ULK4: variants seen among roughly 807,000 people sequenced by gnomAD.
The protein encoded by ULK4 is unc-51 like kinase 4.
A neutral mutation model predicts 160.6 loss-of-function variants in ULK4; 133 were observed. That is an observed-to-expected ratio of 0.83 (90% CI 0.72 to 0.96). The LOEUF is 0.96. Ranked by LOEUF, ULK4 falls within the 40% of genes least tolerant of loss-of-function variation. The probability of loss-of-function intolerance (pLI) is 0.00; values close to 1 mark genes in which losing one functional copy is unlikely to be tolerated. For missense variants in ULK4, 1,580 were observed against 1,499.5 expected (o/e 1.05, Z -0.89); for synonymous variants, 534 against 539.8 (o/e 0.99, Z 0.15).
In ULK4 at chr3:41,566,016, G is replaced by A. The variant is rs201158659; in HGVS notation, c.3226+9C>T. The A allele has an allele frequency of 2.7e-5, 44 of 1,605,414 alleles. No individual in the cohort carries two copies. The highest frequency in any genetic ancestry group is 3.6e-5 in the Non-Finnish European group (42 of 1,172,900). ...ACTTGATCAGAGAGTAATTCTATGAGGCATTTACCTTGTTCATAAAGTAGT... is the reference window on the plus strand; with the variant it reads ...ACTTGATCAGAGAGTAATTCTATGAAGCATTTACCTTGTTCATAAAGTAGT... On this transcript the variant is annotated intron_variant, in intron 32 of 36. Transcript: ENST00000301831.
At chr3:41,829,010 A>G (rs577017192) in intron 18 of ULK4, among the ~76,000 whole-genome samples, 42 of 151,478 alleles carry the variant, frequency 2.8e-4, no homozygotes, top group Non-Finnish European at 4.9e-4. Context: ...CAACTATCTG[A>G]TCTTTGACAA....
At chr3:41,529,994 A>AG (rs1469453608) in intron 32 of ULK4, among the ~76,000 whole-genome samples, 10 of 152,194 alleles carry the variant, frequency 6.6e-5, no homozygotes, top group African/African-American at 2.4e-4. Flanking sequence ...GTGCCTGCTA[A>AG]GGGGGTACAT....
rs567185327 is a variant in ULK4 at position 41,673,448 on chromosome 3, C to T, written c.2978+8060G>A. ...CCAGTTCCTAAAAGGAAATGCCATT[C>T]TAATTTGTAAGGAATATATCCCTTT... On this transcript the variant is annotated intron_variant, in intron 29 of 36. Coordinates refer to ENST00000301831, the MANE Select transcript of ULK4 (RefSeq NM_017886.4). Among the ~76,000 whole-genome samples, 489 of 152,194 alleles carry T rather than the reference C, an allele frequency of 3.2e-3. 2 individuals carry two copies. The highest frequency in any genetic ancestry group is 0.01 in the Middle Eastern group (3 of 294).
At chr3:41,895,419 TATG>T in intron 16 of ULK4, 96 bp downstream of exon 16, 2 of 611,370 alleles carry the variant, frequency 3.3e-6, no homozygotes, top group Non-Finnish European at 5.2e-6. Context: ...CAGAATAATT[TATG>T]ATAATTATTT....
At chr3:41,876,141 A>G (rs1162903618) in intron 17 of ULK4, among the ~76,000 whole-genome samples, 1 of 150,994 alleles carries the variant, frequency 6.6e-6, no homozygotes, top group Non-Finnish European at 1.5e-5. Context: ...CCAAGAATCA[A>G]TGTAATGTGG....
chr3:41,267,018 T>TGG (rs757611081), intron 35 of ULK4, among the ~76,000 whole-genome samples: 688 of 67,408 alleles, frequency 0.01, 16 homozygotes, highest in Middle Eastern at 0.022. Context: ...GTGTCTCTAT[T>TGG]GGGGGGGGGG....
At chr3:41,505,940 GT>G (rs2085358126) in intron 32 of ULK4, among the ~76,000 whole-genome samples, 2 of 151,872 alleles carry the variant, frequency 1.3e-5, no homozygotes, top group South Asian at 4.1e-4. Context: ...ATTTGCTTTA[GT>G]TTTTTGGTAA....
chr3:41,608,829 T>C lies in ULK4; in HGVS notation c.3120+6840A>G, dbSNP rs144082748. ...ACTGAAGAACACTGGCCCTTCCTACTATTTCATTTTCCAGTTCCTGAATCA... is the reference window on the plus strand; with the variant it reads ...ACTGAAGAACACTGGCCCTTCCTACCATTTCATTTTCCAGTTCCTGAATCA... On this transcript the variant is annotated intron_variant, in intron 31 of 36. Coordinates refer to ENST00000301831, the MANE Select transcript of ULK4 (RefSeq NM_017886.4). 1.3e-3 allele frequency among the ~76,000 whole-genome samples: 203 copies of C among 152,320 alleles called. 1 individual carries two copies. The highest frequency in any genetic ancestry group is 1.5e-3 in the Non-Finnish European group (104 of 68,038).
rs553081286 is a variant in ULK4 at position 41,587,012 on chromosome 3, C to A, written c.3121-20882G>T. Among the ~76,000 whole-genome samples, 3 of 152,242 alleles carry A rather than the reference C, an allele frequency of 2.0e-5. No individual in the cohort carries two copies. In the South Asian group the frequency reaches 6.2e-4, roughly 32 times the overall value. On this transcript the variant is annotated intron_variant, in intron 31 of 36. Coordinates refer to ENST00000301831, the MANE Select transcript of ULK4 (RefSeq NM_017886.4). ...CAAGGCAGGCTCAACGGGTTCTCTA[C>A]GTAGGGTCTCACAATACTAAAATCA...
Position 41,774,511 on chromosome 3 carries a change from A to T in ULK4, c.2193+15150T>A, listed in dbSNP as rs1474888352. ...TGGCCATCAGAGAAATGCAAATCAA[A>T]ACCACAATGAGATACCATCTCACAC... is the stretch of plus-strand genomic sequence containing the variant. On this transcript the variant is annotated intron_variant, in intron 21 of 36. Transcript: ENST00000301831. Among the ~76,000 whole-genome samples the T allele has an allele frequency of 2.1e-4, 32 of 149,490 alleles. No homozygotes were observed. The South Asian group carries it at 2.9e-3, about 14-fold the overall frequency.
chr3:41,495,084 C>A (rs953397035), intron 32 of ULK4, among the ~76,000 whole-genome samples: 11 of 152,228 alleles, frequency 7.2e-5, no homozygotes, highest in Middle Eastern at 3.4e-3. Context: ...AAACAACTTT[C>A]AAGTTCATAT....
intron 34 of ULK4, among the ~76,000 whole-genome samples, chr3:41,421,210 A>C (rs11129903): frequency 1.3e-5 from 2 of 151,912 alleles, no homozygotes; most frequent in African/African-American, 4.8e-5. Flanking sequence ...GTAACAACAA[A>C]TTTTTTGTTG....
intron 18 of ULK4, among the ~76,000 whole-genome samples, chr3:41,823,732 T>C (rs1161615733): frequency 6.6e-6 from 1 of 152,226 alleles, no homozygotes; most frequent in African/African-American, 2.4e-5. Context: ...AAAGCCCTCA[T>C]GTCCTGAAAA....
At chr3:41,342,260 G>A (rs1359293655) in intron 35 of ULK4, among the ~76,000 whole-genome samples, 1 of 152,196 alleles carries the variant, frequency 6.6e-6, no homozygotes, top group Non-Finnish European at 1.5e-5. Context: ...CCACTTCACA[G>A]TTTCCGGAGA....
intron 32 of ULK4, among the ~76,000 whole-genome samples, chr3:41,563,263 C>T (rs1052684328): frequency 9.9e-5 from 15 of 152,108 alleles, no homozygotes; most frequent in Non-Finnish European, 1.3e-4. Context: ...GTGGGTAACC[C>T]GACCTTTCTC....
At chr3:41,841,450 C>A (rs570256274) in intron 17 of ULK4, among the ~76,000 whole-genome samples, 8 of 150,816 alleles carry the variant, frequency 5.3e-5, no homozygotes, top group Admixed American at 3.3e-4. Flanking sequence ...GGCACCTCTG[C>A]CCGGCCGCCC....
chr3:41,749,102 C>T (rs1477506630), intron 22 of ULK4, among the ~76,000 whole-genome samples: 1 of 152,338 alleles, frequency 6.6e-6, no homozygotes, highest in East Asian at 1.9e-4. Context: ...AGAAACCATA[C>T]ATGGAATACT....
At chr3:41,264,238 A>T (rs1421069341) in intron 35 of ULK4, among the ~76,000 whole-genome samples, 1 of 152,244 alleles carries the variant, frequency 6.6e-6, no homozygotes, top group Non-Finnish European at 1.5e-5. Context: ...GGAAGCCAGA[A>T]GCCAGTTAGG....
rs368671011 is a variant in ULK4, at chr3:41,898,459, T to C, written c.1321A>G (p.Lys441Glu). ...GAATATGTTGGTAGATGCAATATTT[T>C]TGCATCAAATTTAACTGGTGGCTGT... ...MKQPPVKFDA[K>E]ILHLPTYSVD... Residue 441 changes from lysine (K) to glutamate (E), a missense_variant, in exon 14 of 37, where the codon AAA becomes GAA. Physicochemically the swap from Lys to Glu is moderately conservative, Grantham distance 56. Transcript: ENST00000301831. 8.1e-6 allele frequency: 13 copies of C among 1,600,566 alleles called. 1 individual carries two copies. Among genetic ancestry groups the C allele is most frequent in the African/African-American group, 6.7e-5 (5 of 74,296 alleles).
Sources: gnomAD v4.1 joint callset for allele counts (sites outside exome capture counted in the v4.1 genomes callset) on GRCh38, gnomAD v4.1.1 for gene constraint, MANE v1.5 for transcripts, NCBI Gene and HGNC (gene_info 2026-07-23, HGNC 2026-07-21) for gene names.